Variants in WNT8A observed in about 807,000 individuals in gnomAD.
WNT8A encodes protein Wnt-8a.
A neutral mutation model predicts 20.5 loss-of-function variants in WNT8A; 14 were observed. The observed-to-expected ratio is 0.68, with a 90% confidence interval of 0.45 to 1.07. WNT8A has a LOEUF of 1.07. WNT8A is among the 50% of genes least tolerant of loss of function. The pLI, the probability that WNT8A is intolerant of heterozygous loss-of-function variation, is 0.00. For missense variants in WNT8A, 397 were observed against 462.9 expected, an observed-to-expected ratio of 0.86 and a Z score of 1.31; for synonymous variants, 167 against 169.2, an observed-to-expected ratio of 0.99 and a Z score of 0.10.
Position 138,087,835 on chromosome 5 carries a change from A to G in WNT8A, c.325A>G (p.Ile109Val), listed in dbSNP as rs538237104. The G allele has an allele frequency of 3.1e-6, 5 of 1,613,958 alleles. No individual in the cohort carries two copies. The South Asian group carries it at 4.4e-5, about 14-fold the overall frequency. Residue 109 changes from isoleucine (I) to valine (V), a missense_variant, in exon 3 of 5, where the codon ATC becomes GTC. Coordinates refer to ENST00000506684, the MANE Select transcript of WNT8A (RefSeq NM_001300939.2). ...CAGAGAGACTTCCTTCATACATGCT[A>G]TCAGCTCTGCTGGAGTCATGTACAT... The part of the protein sequence containing the change: ...ATRETSFIHA[I>V]SSAGVMYIIT...
chr5:138,083,610 G>T (rs952790199), upstream of WNT8A, among the ~76,000 whole-genome samples: 1 of 152,124 alleles, frequency 6.6e-6, no homozygotes, highest in Non-Finnish European at 1.5e-5. Context: ...GTTGCTTTAT[G>T]ATTATTAACA....
At chr5:138,082,122 T>C (rs1750524299), upstream of WNT8A, among the ~76,000 whole-genome samples, 1 of 152,192 alleles carries the variant, frequency 6.6e-6, no homozygotes, top group African/African-American at 2.4e-5. Flanking sequence ...TTCTCTAGAC[T>C]TCCTTCTCCA....
At chr5:138,085,024 C>T (rs1485202013) in intron 2 of WNT8A, among the ~76,000 whole-genome samples, 1 of 152,112 alleles carries the variant, frequency 6.6e-6, no homozygotes, top group Non-Finnish European at 1.5e-5. Flanking sequence ...GCAACTTCCG[C>T]CTCCGGAGTT....
Position 138,084,057 on chromosome 5 carries a change from A to T in WNT8A, c.-71A>T. On this transcript the variant is annotated 5_prime_UTR_variant, in exon 1 of 5. Coordinates refer to ENST00000506684, the MANE Select transcript of WNT8A (RefSeq NM_001300939.2). ...CCTCACTTCTCTGGACTTGGCCCTG[A>T]GCTGGACCTGGTCCACTGGGGTAGG... 6.2e-7 allele frequency: 1 copy of T among 1,603,422 alleles called. No homozygotes were observed. The highest frequency in any genetic ancestry group is 1.8e-4 in the Middle Eastern group (1 of 5,646).
chr5:138,086,918 C>T lies in WNT8A; in HGVS notation c.296-888C>T, dbSNP rs181299454. 5.3e-5 allele frequency among the ~76,000 whole-genome samples: 8 copies of T among 149,664 alleles called. No individual in the cohort carries two copies. In the East Asian group the frequency reaches 1.2e-3, roughly 22 times the overall value. ...AAAAATAGCCGGGTGTGGTAGCATG[C>T]ACCTATAGTCCCAGCTACTCAGGAG... On this transcript the variant is annotated intron_variant, in intron 2 of 4. Coordinates refer to ENST00000506684, the MANE Select transcript of WNT8A (RefSeq NM_001300939.2).
upstream of WNT8A, among the ~76,000 whole-genome samples, chr5:138,079,366 AT>A (rs1463737193): frequency 1.3e-5 from 2 of 148,300 alleles, no homozygotes; most frequent in African/African-American, 4.9e-5. Flanking sequence ...ATTAATTATA[AT>A]TATATTAAAA....
At chr5:138,083,744 G>A (rs893463679), upstream of WNT8A, 1 of 215,850 alleles carries the variant, frequency 4.6e-6, no homozygotes, top group Non-Finnish European at 9.2e-6. Flanking sequence ...ACATGATTCT[G>A]AGAAATGGGC....
chr5:138,086,582 T>C (rs975289785), intron 2 of WNT8A, among the ~76,000 whole-genome samples: 1 of 152,028 alleles, frequency 6.6e-6, no homozygotes. Flanking sequence ...GGAAGGAGGC[T>C]GAAAAAATAT....
At chr5:138,082,825 C>G (rs896205830), upstream of WNT8A, among the ~76,000 whole-genome samples, 2 of 150,764 alleles carry the variant, frequency 1.3e-5, no homozygotes, top group African/African-American at 4.9e-5. Context: ...TGCAGTGAGC[C>G]GAGATCATGC....
chr5:138,084,526 C>A lies in WNT8A; in HGVS notation c.185C>A (p.Ala62Asp). Reference sequence around the variant, plus strand: ...TATCTGACCTACACGACTAGTGTGGCCTTGGGTGCCCAGAGTGGCATCGAG... The same window carrying A: ...TATCTGACCTACACGACTAGTGTGGACTTGGGTGCCCAGAGTGGCATCGAG... ...KAYLTYTTSV[A>D]LGAQSGIEEC... Residue 62 changes from alanine to aspartate, a missense_variant, in exon 2 of 5, where the codon GCC (alanine) becomes GAC (aspartate). Coordinates refer to ENST00000506684, the MANE Select transcript of WNT8A (RefSeq NM_001300939.2). 1.9e-6 allele frequency: 3 copies of A among 1,612,924 alleles called. No individual in the cohort carries two copies. The highest frequency in any genetic ancestry group is 2.2e-5 in the South Asian group (2 of 90,838).
rs541211819 is a variant in WNT8A at position 138,090,706 on chromosome 5, G to A, written c.743G>A (p.Ser248Asn). The change falls in exon 5 of 5, where the codon AGC becomes AAC. Residue 248 changes from serine to asparagine, a missense_variant. By Grantham distance (46) the Ser-to-Asn change is conservative (BLOSUM62 1). Coordinates refer to ENST00000506684, the MANE Select transcript of WNT8A (RefSeq NM_001300939.2). ...AAGCGGCAGCTGAGAGCTGGGAACA[G>A]CGCCGAGGGCCACTGGGTGCCCGCT... Reference protein sequence around the residue: ...MDKRQLRAGNSAEGHWVPAEA... With the variant: ...MDKRQLRAGNNAEGHWVPAEA... 2 of 1,614,250 alleles carry A rather than the reference G, an allele frequency of 1.2e-6. No homozygotes were observed. Among genetic ancestry groups the A allele is most frequent in the Admixed American group, 1.7e-5 (1 of 60,024 alleles).
chr5:138,080,291 T>C (rs1202321629), upstream of WNT8A, among the ~76,000 whole-genome samples: 2 of 147,470 alleles, frequency 1.4e-5, no homozygotes, highest in Admixed American at 1.4e-4. Context: ...ACCACTGCAC[T>C]CTAGCCTGGG....
rs1191611819 is a variant in WNT8A, at chr5:138,084,356, G to A, written c.156+73G>A. The A allele has an allele frequency of 4.6e-5, 72 of 1,578,696 alleles. No homozygotes were observed. The South Asian group carries it at 6.9e-4, about 15-fold the overall frequency. On this transcript the variant is annotated intron_variant, in intron 1 of 4. Transcript: ENST00000506684. The stretch of plus-strand genomic sequence containing the variant: ...GGACTCTTCTGGAGAAAAGAGGGGC[G>A]GGGACAGTGCCAGAGCCCCTCACCC...
rs1447496245 is a variant in WNT8A, at chr5:138,089,009, G to A, written c.504G>A (p.Leu168=). 1.9e-6 allele frequency: 3 copies of A among 1,613,826 alleles called. No homozygotes were observed. The highest frequency in any genetic ancestry group is 2.5e-6 in the Non-Finnish European group (3 of 1,180,050). Residue 168 remains leucine (L), a synonymous_variant, in exon 4 of 5, where the codon TTG becomes TTA. Transcript: ENST00000506684. ...TCTCCAAACTCTTTGTGGACAGTTT[G>A]GAGAAGGGGAAGGATGCCAGAGCCC... ...ERISKLFVDS[L]EKGKDARALM...
At chr5:138,083,228 C>A (rs552295950), upstream of WNT8A, among the ~76,000 whole-genome samples, 1 of 149,982 alleles carries the variant, frequency 6.7e-6, no homozygotes, top group African/African-American at 2.5e-5. Context: ...TTGTAGTGAG[C>A]TGAGATTGCA....
upstream of WNT8A, among the ~76,000 whole-genome samples, chr5:138,082,825 C>T (rs896205830): frequency 1.1e-4 from 16 of 150,762 alleles, no homozygotes; most frequent in Admixed American, 5.3e-4. Flanking sequence ...TGCAGTGAGC[C>T]GAGATCATGC....
chr5:138,088,558 G>A (rs904079278), intron 3 of WNT8A, among the ~76,000 whole-genome samples: 11 of 152,008 alleles, frequency 7.2e-5, no homozygotes, highest in Admixed American at 2.6e-4. Context: ...GGGTTTCACC[G>A]TGTTAGCCAG....
intron 2 of WNT8A, among the ~76,000 whole-genome samples, chr5:138,087,530 G>C (rs1750704824): frequency 6.7e-6 from 1 of 148,314 alleles, no homozygotes; most frequent in Admixed American, 6.8e-5. Flanking sequence ...GCACGCACCT[G>C]TAGTCCCAGC....
chr5:138,082,459 A>G (rs1750533137), upstream of WNT8A, among the ~76,000 whole-genome samples: 3 of 152,164 alleles, frequency 2.0e-5, no homozygotes, highest in Admixed American at 6.5e-5. Context: ...CATGCCTGTA[A>G]TCTCAGCTAC....
Sources: allele counts gnomAD v4.1 joint callset (sites outside exome capture counted in the v4.1 genomes callset), GRCh38; gene constraint gnomAD v4.1.1; transcripts MANE v1.5; gene names NCBI Gene and HGNC (gene_info 2026-07-23, HGNC 2026-07-21).